The following CORIN variants were observed in gnomAD, a reference collection of about 807,000 sequenced individuals.
The protein encoded by CORIN is corin, serine peptidase, also known as atrial natriuretic peptide-converting enzyme.
In CORIN, 117 loss-of-function variants were observed where a neutral mutation model predicts 125.3. The ratio of observed to expected loss-of-function variants is 0.93; its 90% CI spans 0.80 to 1.09. The LOEUF is 1.09. CORIN is among the 50% of genes least tolerant of loss of function. CORIN has a pLI of 0.00. For synonymous variants in CORIN, 450 were observed against 466.4 expected, an observed-to-expected ratio of 0.96 and a Z score of 0.45; for missense variants, 1,253 against 1,306.7, an observed-to-expected ratio of 0.96 and a Z score of 0.63.
intron 1 of CORIN, among the ~76,000 whole-genome samples, chr4:47,810,887 G>T (rs1732033570): frequency 6.6e-6 from 1 of 152,136 alleles, no homozygotes; most frequent in Admixed American, 6.5e-5. Flanking sequence ...GGTTGTAAAA[G>T]TAGCTCAAAC....
chr4:47,712,794 T>C (rs537973904), intron 5 of CORIN, among the ~76,000 whole-genome samples: 2 of 152,206 alleles, frequency 1.3e-5, no homozygotes, highest in South Asian at 4.2e-4. Context: ...TTACTCAAAC[T>C]AGTCAATTAG....
At chr4:47,679,995 T>C (rs1175214285) in intron 8 of CORIN, 146 bp downstream of exon 8, 4 of 559,690 alleles carry the variant, frequency 7.1e-6, no homozygotes, top group Non-Finnish European at 1.3e-5. Flanking sequence ...CTCAGTGATC[T>C]TTACAGGCTA....
intron 19 of CORIN, among the ~76,000 whole-genome samples, chr4:47,604,697 T>C (rs1189362629): frequency 2.0e-5 from 3 of 152,172 alleles, no homozygotes; most frequent in African/African-American, 7.2e-5. Context: ...TTCTCCCTCC[T>C]CCATGGCTAT....
At chr4:47,728,778 G>C (rs1345195329) in intron 5 of CORIN, among the ~76,000 whole-genome samples, 2 of 152,154 alleles carry the variant, frequency 1.3e-5, no homozygotes, top group Non-Finnish European at 2.9e-5. Flanking sequence ...AGATGGTCTT[G>C]GTCTCCAGCC....
chr4:47,680,632 G>A (rs1233922589), intron 7 of CORIN: 7 of 193,050 alleles, frequency 3.6e-5, no homozygotes, highest in Admixed American at 5.9e-5. Flanking sequence ...TGCGGCTAGC[G>A]GATTTGATGT....
chr4:47,620,511 T>C (rs1184531480), intron 19 of CORIN, among the ~76,000 whole-genome samples: 1 of 152,210 alleles, frequency 6.6e-6, no homozygotes, highest in Admixed American at 6.5e-5. Flanking sequence ...CAATGACGGC[T>C]TGTGAAAAAG....
chr4:47,750,500 A>T (rs1185319178), intron 4 of CORIN, among the ~76,000 whole-genome samples: 1 of 152,184 alleles, frequency 6.6e-6, no homozygotes. Flanking sequence ...CTACAGAAGG[A>T]AAAGGTACAG....
chr4:47,625,934 C>T, intron 17 of CORIN, among the ~76,000 whole-genome samples: 1 of 152,240 alleles, frequency 6.6e-6, no homozygotes, highest in South Asian at 2.1e-4. Context: ...GGAAGCAACC[C>T]TGTTTAAGAT....
At chr4:47,723,212 A>G (rs894305355) in intron 5 of CORIN, among the ~76,000 whole-genome samples, 4 of 152,220 alleles carry the variant, frequency 2.6e-5, no homozygotes, top group African/African-American at 9.6e-5. Flanking sequence ...ACAGTGCAAA[A>G]GGCTAAAACT....
chr4:47,616,154 G>C (rs1190209908), intron 19 of CORIN, among the ~76,000 whole-genome samples: 1 of 152,132 alleles, frequency 6.6e-6, no homozygotes, highest in Non-Finnish European at 1.5e-5. Flanking sequence ...GTATTCATGT[G>C]AAGTTGGTGG....
intron 4 of CORIN, among the ~76,000 whole-genome samples, chr4:47,755,982 T>A (rs1729122398): frequency 1.3e-5 from 2 of 152,198 alleles, no homozygotes; most frequent in African/African-American, 4.8e-5. Flanking sequence ...TGGGCAGTGT[T>A]CTGAACAATG....
chr4:47,665,278 T>A lies in CORIN; in HGVS notation c.1358-15A>T. The A allele has an allele frequency of 6.5e-7, 1 of 1,546,814 alleles. No homozygotes were observed. Among genetic ancestry groups the A allele is most frequent in the Non-Finnish European group, 8.9e-7 (1 of 1,127,916 alleles). On this transcript the variant is annotated splice_polypyrimidine_tract_variant and intron_variant, in intron 10 of 21. Transcript: ENST00000273857. Reference sequence around the variant, plus strand: ...TTCACATTGACCTAACAAAGAAACATACACACAAATATTTTTAAATTTCAC... The same window carrying A: ...TTCACATTGACCTAACAAAGAAACAAACACACAAATATTTTTAAATTTCAC...
Position 47,651,508 on chromosome 4 carries a change from G to A in CORIN, c.1843+2045C>T, listed in dbSNP as rs566252075. Among the ~76,000 whole-genome samples, 10 of 152,266 alleles carry A rather than the reference G, an allele frequency of 6.6e-5. No individual in the cohort carries two copies. The South Asian group carries it at 1.9e-3, about 28-fold the overall frequency. ...TGTGTCCTCCCAAATCACTGAACAA[G>A]CCCATTCAAATGCATGCAGAAGTAT... On this transcript the variant is annotated intron_variant, in intron 13 of 21. Transcript: ENST00000273857.
rs775982424 is a variant in CORIN at position 47,661,830 on chromosome 4, C to T, written c.1616G>A (p.Arg539His). The T allele has an allele frequency of 8.7e-6, 14 of 1,612,406 alleles. No individual in the cohort carries two copies. The South Asian group carries it at 9.9e-5, about 11-fold the overall frequency. ...CACAATCCCAAGAACAGACTCACAG[C>T]GTTCTTTAGAGTGTTCACACAATGC... Reference protein sequence around the residue: ...CRALCEHSKERCESVLGIVGL... With the variant: ...CRALCEHSKEHCESVLGIVGL... Residue 539 changes from arginine (R) to histidine (H), a missense_variant, in exon 12 of 22, where the codon CGC (arginine) becomes CAC (histidine). Arg to His is a conservative substitution (Grantham distance 29). Transcript: ENST00000273857.
At chr4:47,736,991 A>G (rs1728164359) in intron 5 of CORIN, among the ~76,000 whole-genome samples, 2 of 152,270 alleles carry the variant, frequency 1.3e-5, no homozygotes, top group African/African-American at 4.8e-5. Flanking sequence ...AGAGGGCAGG[A>G]GCCTAAAGAA....
At chr4:47,757,806 T>C (rs1255194225) in intron 4 of CORIN, among the ~76,000 whole-genome samples, 1 of 147,866 alleles carries the variant, frequency 6.8e-6, no homozygotes, top group Non-Finnish European at 1.5e-5. Context: ...ACAGCTAACA[T>C]TCAAGTAGAG....
intron 13 of CORIN, among the ~76,000 whole-genome samples, chr4:47,646,629 A>C (rs1723499633): frequency 1.3e-5 from 2 of 152,240 alleles, no homozygotes; most frequent in Non-Finnish European, 2.9e-5. Context: ...ACATGGCAAA[A>C]AAAATTTGAG....
intron 3 of CORIN, among the ~76,000 whole-genome samples, chr4:47,768,706 T>C (rs1423077807): frequency 6.6e-6 from 1 of 152,124 alleles, no homozygotes; most frequent in African/African-American, 2.4e-5. Flanking sequence ...ATCACCTTAA[T>C]AGAATGAAAG....
intron 19 of CORIN, among the ~76,000 whole-genome samples, chr4:47,618,628 G>A (rs1251895086): frequency 1.3e-5 from 2 of 151,842 alleles, no homozygotes; most frequent in African/African-American, 4.8e-5. Context: ...GACCATCCTG[G>A]CTAACATGGT....
Sources: allele counts gnomAD v4.1 joint callset (sites outside exome capture counted in the v4.1 genomes callset), GRCh38; gene constraint gnomAD v4.1.1; transcripts MANE v1.5; gene names NCBI Gene and HGNC (gene_info 2026-07-23, HGNC 2026-07-21).